CHCHD3: variants seen among roughly 807,000 people sequenced by gnomAD.
CHCHD3 encodes the protein coiled-coil-helix-coiled-coil-helix domain containing 3, also known as MICOS complex subunit MIC19.
In CHCHD3, 20 loss-of-function variants were observed where a neutral mutation model predicts 38.2. The ratio of observed to expected loss-of-function variants is 0.52; its 90% CI spans 0.37 to 0.76. CHCHD3 has a LOEUF of 0.76. Among genes scored for constraint, CHCHD3 ranks in the 30% least tolerant of loss-of-function variants. CHCHD3 has a pLI of 0.00. For synonymous variants in CHCHD3, 82 were observed against 100.0 expected, an observed-to-expected ratio of 0.82 and a Z score of 1.07; for missense variants, 245 against 279.2, an observed-to-expected ratio of 0.88 and a Z score of 0.87.
chr7:132,966,330 G>A (rs960986458), intron 4 of CHCHD3, among the ~76,000 whole-genome samples: 6 of 152,156 alleles, frequency 3.9e-5, no homozygotes, highest in African/African-American at 1.2e-4. Context: ...TAAGGGAATA[G>A]TTACAAGATA....
At chr7:132,855,385 A>T (rs1046232077) in intron 5 of CHCHD3, among the ~76,000 whole-genome samples, 2 of 152,222 alleles carry the variant, frequency 1.3e-5, no homozygotes, top group African/African-American at 4.8e-5. Flanking sequence ...TGTTAATGAT[A>T]ACTGTGACAT....
At chr7:132,844,621 T>C (rs1808026342) in intron 5 of CHCHD3, among the ~76,000 whole-genome samples, 1 of 152,234 alleles carries the variant, frequency 6.6e-6, no homozygotes, top group African/African-American at 2.4e-5. Context: ...AAAGTCTTAT[T>C]GTTTGATATA....
Position 133,035,255 on chromosome 7 carries a change from T to C in CHCHD3, c.170-10628A>G, listed in dbSNP as rs1352597553. On this transcript the variant is annotated intron_variant, in intron 2 of 7. Transcript: ENST00000262570. The surrounding 1 kb of genome is among the most constrained non-coding windows in gnomAD (Gnocchi z 4.7). ...GTGTGTCCTTTTTAGGCTGGGTCTC[T>C]GCAAACTTTTTAGCATCAAACTGGG... 6.2e-7 allele frequency: 1 copy of C among 1,613,740 alleles called. No homozygotes were observed. Among genetic ancestry groups the C allele is most frequent in the East Asian group, 2.2e-5 (1 of 44,880 alleles).
rs1584661775 is a variant in CHCHD3, at chr7:133,035,219, C to T, written c.170-10592G>A. ...TCTGCTTCTCTTCCCGTGAACCCTTCTCTTTCCGTGGTGTGTCCTTTTTAG... is the reference window on the plus strand; with the variant it reads ...TCTGCTTCTCTTCCCGTGAACCCTTTTCTTTCCGTGGTGTGTCCTTTTTAG... On this transcript the variant is annotated intron_variant, in intron 2 of 7. Coordinates refer to ENST00000262570, the MANE Select transcript of CHCHD3 (RefSeq NM_017812.4). This position sits in a 1 kb window ranked among gnomAD's most constrained non-coding sequence, Gnocchi z 4.7. The T allele has an allele frequency of 6.2e-7, 1 of 1,613,792 alleles. No homozygotes were observed. Among genetic ancestry groups the T allele is most frequent in the Non-Finnish European group, 8.5e-7 (1 of 1,179,736 alleles).
chr7:132,997,557 C>A (rs931353147), intron 3 of CHCHD3, among the ~76,000 whole-genome samples: 3 of 146,314 alleles, frequency 2.1e-5, no homozygotes, highest in Non-Finnish European at 3.0e-5. Context: ...AGATTCTTTT[C>A]TTTTCTTTTT....
intron 6 of CHCHD3, among the ~76,000 whole-genome samples, chr7:132,800,826 G>A (rs1222644411): frequency 6.6e-6 from 1 of 152,104 alleles, no homozygotes; most frequent in Non-Finnish European, 1.5e-5. Context: ...GAGAGAAAAT[G>A]AAGATGAGAA....
chr7:132,873,223 A>G (rs1343004144), intron 5 of CHCHD3, among the ~76,000 whole-genome samples: 1 of 152,152 alleles, frequency 6.6e-6, no homozygotes, highest in Non-Finnish European at 1.5e-5. Context: ...GAGGAGGAAG[A>G]CAGAGGCCTG....
chr7:132,983,302 G>A (rs1291965032), intron 3 of CHCHD3, among the ~76,000 whole-genome samples: 1 of 152,196 alleles, frequency 6.6e-6, no homozygotes, highest in East Asian at 1.9e-4. Flanking sequence ...CAGCCTGGGT[G>A]ACAGACCGAG....
chr7:132,926,614 CCT>C (rs1562910487), intron 4 of CHCHD3, among the ~76,000 whole-genome samples: 1 of 152,068 alleles, frequency 6.6e-6, no homozygotes, highest in East Asian at 1.9e-4. Context: ...ATAGTCATCC[CCT>C]GGTATCTGCA....
intron 5 of CHCHD3, among the ~76,000 whole-genome samples, chr7:132,864,773 T>A (rs1231576923): frequency 4.6e-5 from 7 of 152,114 alleles, no homozygotes; most frequent in Admixed American, 6.6e-5. Context: ...ACCAATTTTT[T>A]AAAAAAATAA....
chr7:132,889,489 C>G (rs1401004621), intron 4 of CHCHD3, among the ~76,000 whole-genome samples: 4 of 152,170 alleles, frequency 2.6e-5, no homozygotes, highest in Non-Finnish European at 4.4e-5. Context: ...TATATGCTCA[C>G]TCACTTTTCT....
chr7:133,023,067 CTCT>C (rs544181273), intron 3 of CHCHD3, among the ~76,000 whole-genome samples: 75 of 152,060 alleles, frequency 4.9e-4, no homozygotes, highest in African/African-American at 1.7e-3. Flanking sequence ...CATATTGATT[CTCT>C]TTTTTTAAAA....
intron 2 of CHCHD3, among the ~76,000 whole-genome samples, chr7:133,060,585 T>C (rs766575359): frequency 6.6e-6 from 1 of 152,048 alleles, no homozygotes; most frequent in Non-Finnish European, 1.5e-5. Flanking sequence ...GGTGGAACAG[T>C]ATTCAGACAG....
chr7:133,004,099 C>T (rs1046707805), intron 3 of CHCHD3, among the ~76,000 whole-genome samples: 6 of 151,820 alleles, frequency 4.0e-5, no homozygotes, highest in African/African-American at 4.8e-5. Flanking sequence ...TACTGGTGCC[C>T]GCCACCATAC....
chr7:132,867,256 AT>A (rs1415617766), intron 5 of CHCHD3, among the ~76,000 whole-genome samples: 3 of 152,334 alleles, frequency 2.0e-5, no homozygotes, highest in African/African-American at 4.8e-5. Context: ...AGTGCAAAAA[AT>A]AACACTAAAA....
rs1585604222 is a variant in CHCHD3 at position 132,885,516 on chromosome 7, G to A, written c.453+146C>T. On this transcript the variant is annotated intron_variant, in intron 5 of 7. Coordinates refer to ENST00000262570, the MANE Select transcript of CHCHD3 (RefSeq NM_017812.4). ...AAAAAATGACATTGTTACAGAGGAC[G>A]AACTAACTACCTGCTTTGCTTCTTC... is the stretch of plus-strand genomic sequence containing the variant. The A allele has an allele frequency of 1.2e-5, 7 of 606,794 alleles. 1 individual carries two copies. In the Middle Eastern group the frequency reaches 1.8e-3, roughly 153 times the overall value. 37.6% of individuals were successfully genotyped at this position (606,794 alleles called of 1,614,324 possible). A position where few individuals can be genotyped will look rare whatever the true frequency, so the allele number is the denominator to read the frequency against.
At chr7:133,046,711 C>T (rs922469504) in intron 2 of CHCHD3, among the ~76,000 whole-genome samples, 6 of 152,086 alleles carry the variant, frequency 3.9e-5, no homozygotes, top group Non-Finnish European at 8.8e-5. Context: ...TACAGGCGCC[C>T]GCCACCACAC....
chr7:133,045,267 G>A (rs1002669222), intron 2 of CHCHD3, among the ~76,000 whole-genome samples: 3 of 152,070 alleles, frequency 2.0e-5, no homozygotes, highest in Non-Finnish European at 2.9e-5. Flanking sequence ...GACAACTGAC[G>A]AAGAGGTTCA....
rs575721651 is a variant in CHCHD3 at position 132,808,974 on chromosome 7, G to A, written c.525-12397C>T. Among the ~76,000 whole-genome samples the A allele has an allele frequency of 1.6e-4, 23 of 147,066 alleles. 1 individual carries two copies. Among genetic ancestry groups the A allele is most frequent in the Admixed American group, 2.9e-4 (4 of 13,928 alleles). ...TTAAATTATTATTTTTCTTGAGACA[G>A]GATCTCGCTCTATCACCCAGGCTGG... is the stretch of plus-strand genomic sequence containing the variant. On this transcript the variant is annotated intron_variant, in intron 6 of 7. Coordinates refer to ENST00000262570, the MANE Select transcript of CHCHD3 (RefSeq NM_017812.4).
Sources: gnomAD v4.1 joint callset for allele counts (sites outside exome capture counted in the v4.1 genomes callset) on GRCh38, gnomAD v4.1.1 for gene constraint, Gnocchi (gnomAD v3.1) non-coding constraint, MANE v1.5 for transcripts, NCBI Gene and HGNC (gene_info 2026-07-23, HGNC 2026-07-21) for gene names.